PPP6R2: variants seen among roughly 807,000 people sequenced by gnomAD.
PPP6R2 encodes protein phosphatase 6 regulatory subunit 2.
In PPP6R2, 62 loss-of-function variants were observed where a neutral mutation model predicts 100.2. The ratio of observed to expected loss-of-function variants is 0.62; its 90% CI spans 0.50 to 0.76. The LOEUF (loss-of-function observed/expected upper bound fraction) is 0.76, where lower values mean the gene tolerates loss of function less well. Ranked by LOEUF, PPP6R2 falls within the 30% of genes least tolerant of loss-of-function variation. PPP6R2 has a pLI of 0.00. For missense variants in PPP6R2, 1,142 were observed against 1,276.3 expected (o/e 0.89, Z 1.60); for synonymous variants, 525 against 514.7 (o/e 1.02, Z -0.27).
intron 6 of PPP6R2, 31 bp downstream of exon 6, chr22:50,416,188 T>C: frequency 1.3e-6 from 2 of 1,597,472 alleles, no homozygotes; most frequent in Non-Finnish European, 1.7e-6. Flanking sequence ...GCTTCGTGCA[T>C]CAGTCCAGGC....
At chr22:50,407,507 C>G (rs2059140987) in intron 4 of PPP6R2, 1 of 152,468 alleles carries the variant, frequency 6.6e-6, no homozygotes, top group Non-Finnish European at 1.5e-5. Context: ...TGGACATCCA[C>G]TTTCTCAGGT....
At chr22:50,416,533 A>T (rs1392414342) in intron 6 of PPP6R2, among the ~76,000 whole-genome samples, 1 of 151,490 alleles carries the variant, frequency 6.6e-6, no homozygotes, top group Non-Finnish European at 1.5e-5. Context: ...GTCTCACTAC[A>T]TTGCTCAGGC....
chr22:50,419,034 C>A, intron 7 of PPP6R2, 55 bp downstream of exon 7: 1 of 1,369,344 alleles, frequency 7.3e-7, no homozygotes, highest in Non-Finnish European at 1.0e-6. Context: ...GTCATGGGGA[C>A]GTCTGTGAGC....
intron 4 of PPP6R2, among the ~76,000 whole-genome samples, chr22:50,412,665 G>T (rs1212994218): frequency 1.2e-5 from 1 of 86,546 alleles, no homozygotes; most frequent in East Asian, 4.0e-4. Context: ...TTTTTGAGAC[G>T]GAGTCTTGCT....
intron 2 of PPP6R2, among the ~76,000 whole-genome samples, chr22:50,374,024 A>G (rs748850577): frequency 6.6e-6 from 1 of 152,144 alleles, no homozygotes; most frequent in African/African-American, 2.4e-5. Flanking sequence ...GGCGTGAGCC[A>G]CCGCACCCAG....
chr22:50,416,764 G>C (rs1225547419), intron 6 of PPP6R2, among the ~76,000 whole-genome samples: 1 of 151,872 alleles, frequency 6.6e-6, no homozygotes, highest in Non-Finnish European at 1.5e-5. Context: ...GGAGTTTTGA[G>C]ACCAGCCTGG....
intron 5 of PPP6R2, among the ~76,000 whole-genome samples, chr22:50,415,865 T>C (rs1237282897): frequency 6.6e-6 from 1 of 152,208 alleles, no homozygotes; most frequent in African/African-American, 2.4e-5. Flanking sequence ...ATACGCACCA[T>C]TAGGACAGAG....
chr22:50,413,975 C>T (rs1046498324), intron 4 of PPP6R2, among the ~76,000 whole-genome samples: 1 of 152,066 alleles, frequency 6.6e-6, no homozygotes, highest in African/African-American at 2.4e-5. Context: ...GGGTGCTGTG[C>T]CCCCCCATGG....
chr22:50,425,883 T>G (rs2062038920), intron 10 of PPP6R2, among the ~76,000 whole-genome samples: 1 of 150,030 alleles, frequency 6.7e-6, no homozygotes, highest in Admixed American at 6.6e-5. Flanking sequence ...TTTTTTTTGT[T>G]TTTTTTTTTT....
chr22:50,438,904 C>T, intron 19 of PPP6R2, 142 bp downstream of exon 19: 1 of 933,860 alleles, frequency 1.1e-6, no homozygotes, highest in East Asian at 2.7e-5. Flanking sequence ...CAGCTATTTC[C>T]CAGCCGTCCT....
At chr22:50,337,282 G>C in the PPP6R2 span, among the ~76,000 whole-genome samples, 1 of 145,770 alleles carries the variant, frequency 6.9e-6, no homozygotes, top group African/African-American at 2.6e-5. Flanking sequence ...GTACATGTGT[G>C]GTGTGTGGTA....
At chr22:50,416,738 C>T (rs549844104) in intron 6 of PPP6R2, among the ~76,000 whole-genome samples, 1 of 151,774 alleles carries the variant, frequency 6.6e-6, no homozygotes, top group African/African-American at 2.4e-5. Context: ...TGAGGCGGGC[C>T]GATCACTTGA....
rs57028687 is a variant in PPP6R2 at position 50,394,913 on chromosome 22, CAA to C, written c.227+797_227+798del. On this transcript the variant is annotated intron_variant, in intron 3 of 23. Coordinates refer to ENST00000612753, the MANE Select transcript of PPP6R2 (RefSeq NM_001242898.2). ...TGGGTGACAGAGTGTGACTCTGTCT[CAA>C]AAAAAAAAAAAAAAAAAAGAGTTTT... 7.1e-3 allele frequency among the ~76,000 whole-genome samples: 541 copies of C among 76,432 alleles called. 3 individuals carry two copies. Among genetic ancestry groups the C allele is most frequent in the African/African-American group, 0.022 (498 of 22,366 alleles). 50.1% of individuals were successfully genotyped at this position (76,432 alleles called of 152,430 possible).
the PPP6R2 span, among the ~76,000 whole-genome samples, chr22:50,338,296 A>AGTGTGTGGTGT: frequency 1.3e-5 from 1 of 74,264 alleles, no homozygotes; most frequent in Non-Finnish European, 2.8e-5. Flanking sequence ...TGTGGTGTGT[A>AGTGTGTGGTGT]GTGTGTGGTG....
At chr22:50,333,150 A>G in the PPP6R2 span, among the ~76,000 whole-genome samples, 1 of 152,048 alleles carries the variant, frequency 6.6e-6, no homozygotes, top group Non-Finnish European at 1.5e-5. Flanking sequence ...AAATAAATAA[A>G]TAAATAAACT....
chr22:50,373,240 C>A (rs201980899), intron 2 of PPP6R2, among the ~76,000 whole-genome samples: 21 of 126,442 alleles, frequency 1.7e-4, no homozygotes, highest in Admixed American at 8.4e-4. Flanking sequence ...TAATTTCTTT[C>A]TTTTTTTTTT....
chr22:50,414,535 G>T lies in PPP6R2; in HGVS notation c.415-17G>T. On this transcript the variant is annotated splice_polypyrimidine_tract_variant and intron_variant, in intron 4 of 23. Transcript: ENST00000612753. Reference sequence around the variant, plus strand: ...CAGGGTCGGCCCCGCCTGCCTCTCAGGTGTGTGTGATTTCAGGTGATTACG... The same window carrying T: ...CAGGGTCGGCCCCGCCTGCCTCTCATGTGTGTGTGATTTCAGGTGATTACG... 7 of 1,613,656 alleles carry T rather than the reference G, an allele frequency of 4.3e-6. No homozygotes were observed. The South Asian group carries it at 7.7e-5, about 18-fold the overall frequency.
chr22:50,422,279 T>A lies in PPP6R2; in HGVS notation c.871T>A (p.Ser291Thr). The change falls in exon 9 of 24, where the codon TCT (serine) becomes ACT (threonine). Residue 291 changes from serine (S) to threonine (T), a missense_variant. By Grantham distance (58) the Ser-to-Thr change is moderately conservative. This residue lies in a region of PPP6R2 where 592 missense variants were observed against 758.9 expected (regional missense o/e 0.78). Transcript: ENST00000612753. ...VGTEGLVDSF[S>T]QGLERSYAVS... The stretch of plus-strand genomic sequence containing the variant: ...GACAGAGGGCTTGGTGGACTCCTTT[T>A]CTCAGGGACTGGAAAGGTCATACGC... 6.2e-7 allele frequency: 1 copy of A among 1,614,036 alleles called. No individual in the cohort carries two copies. Among genetic ancestry groups the A allele is most frequent in the Non-Finnish European group, 8.5e-7 (1 of 1,179,930 alleles).
intron 3 of PPP6R2, among the ~76,000 whole-genome samples, chr22:50,401,128 G>A (rs1477317736): frequency 1.3e-5 from 2 of 152,060 alleles, no homozygotes; most frequent in Non-Finnish European, 2.9e-5. Context: ...AAACTCCTGG[G>A]CTCAAGTGAT....
Sources: allele counts gnomAD v4.1 joint callset (sites outside exome capture counted in the v4.1 genomes callset), GRCh38; gene constraint gnomAD v4.1.1; regional missense constraint gnomAD v4.1.1; transcripts MANE v1.5; gene names NCBI Gene and HGNC (gene_info 2026-07-23, HGNC 2026-07-21).